Variants in DENND2A observed in about 807,000 individuals in gnomAD.
DENND2A encodes DENN domain-containing protein 2A.
In DENND2A, 53 loss-of-function variants were observed where a neutral mutation model predicts 105.3. The observed-to-expected ratio is 0.50, with a 90% confidence interval of 0.40 to 0.63. The LOEUF (loss-of-function observed/expected upper bound fraction) is 0.63. Among genes scored for constraint, DENND2A ranks in the 30% least tolerant of loss-of-function variants. The probability of loss-of-function intolerance (pLI) is 0.00; values close to 1 mark genes in which losing one functional copy is unlikely to be tolerated. For missense variants in DENND2A, 1,138 were observed against 1,279.6 expected (o/e 0.89, Z 1.69); for synonymous variants, 522 against 508.4 (o/e 1.03, Z -0.36).
At chr7:140,522,359 G>T (rs1489165942) in intron 17 of DENND2A, among the ~76,000 whole-genome samples, 1 of 152,106 alleles carries the variant, frequency 6.6e-6, no homozygotes, top group Non-Finnish European at 1.5e-5. Flanking sequence ...CATTGCCCAG[G>T]CTGGAGTGCA....
rs1795741866 is a variant in DENND2A at position 140,518,608 on chromosome 7, C to A, written c.*99G>T. ...AGCCACCGCGGCCTCCAGTTCCGCA[C>A]CGTGACAACCTGGGACCCAGCCTTT... On this transcript the variant is annotated 3_prime_UTR_variant, in exon 20 of 20. Transcript: ENST00000496613. 4.4e-6 allele frequency: 6 copies of A among 1,350,524 alleles called. No individual in the cohort carries two copies. The highest frequency in any genetic ancestry group is 1.4e-5 in the African/African-American group (1 of 69,140). 83.7% of individuals were successfully genotyped at this position (1,350,524 alleles called of 1,614,324 possible).
At chr7:140,561,498 CTTTT>C (rs536896244) in intron 9 of DENND2A, among the ~76,000 whole-genome samples, 107 of 102,494 alleles carry the variant, frequency 1.0e-3, no homozygotes, top group African/African-American at 3.6e-3. Context: ...TTTCTGTTGT[CTTTT>C]TTTTTTTTTT....
intron 3 of DENND2A, among the ~76,000 whole-genome samples, chr7:140,592,331 C>T (rs902256529): frequency 1.5e-4 from 22 of 151,310 alleles, no homozygotes; most frequent in South Asian, 4.2e-4. Context: ...CTCAGGCTCT[C>T]GAGTAGCTGG....
At chr7:140,557,531 A>ATATGT (rs1554467351) in intron 11 of DENND2A, among the ~76,000 whole-genome samples, 1 of 39,660 alleles carries the variant, frequency 2.5e-5, no homozygotes, top group Non-Finnish European at 5.1e-5. Flanking sequence ...ATATATATAT[A>ATATGT]TTTTTTTTTT....
At chr7:140,579,914 C>G (rs1798467111) in intron 5 of DENND2A, among the ~76,000 whole-genome samples, 1 of 152,074 alleles carries the variant, frequency 6.6e-6, no homozygotes, top group African/African-American at 2.4e-5. Flanking sequence ...GGTGGATCAC[C>G]TGAGGTCAGG....
intron 1 of DENND2A, among the ~76,000 whole-genome samples, chr7:140,612,069 G>A (rs942333655): frequency 2.6e-5 from 4 of 151,924 alleles, no homozygotes; most frequent in Non-Finnish European, 4.4e-5. Flanking sequence ...GTGAAACCCC[G>A]TCTCTACTAA....
chr7:140,611,611 T>C (rs933796366), intron 1 of DENND2A, among the ~76,000 whole-genome samples: 15 of 152,186 alleles, frequency 9.9e-5, no homozygotes, highest in Admixed American at 9.2e-4. Flanking sequence ...AAAAGTGGTC[T>C]ATCTGTACAA....
intron 18 of DENND2A, 143 bp downstream of exon 18, chr7:140,521,712 A>C: frequency 7.3e-7 from 1 of 1,361,566 alleles, no homozygotes; most frequent in East Asian, 2.3e-5. Flanking sequence ...CAGCTCAGTC[A>C]GGGCATAACT....
Position 140,522,167 on chromosome 7 carries a change from A to G in DENND2A, c.2666-67T>C, listed in dbSNP as rs781606448. ...AGGCTGGGCCAGAGCCCTTGAGACA[A>G]GCCAATTGGTAATCAAAGAACAGTA... is the stretch of plus-strand genomic sequence containing the variant. On this transcript the variant is annotated intron_variant, in intron 17 of 19. Coordinates refer to ENST00000496613, the MANE Select transcript of DENND2A (RefSeq NM_015689.5). The G allele has an allele frequency of 3.8e-6, 6 of 1,575,786 alleles. No homozygotes were observed. The Admixed American group carries it at 8.9e-5, about 23-fold the overall frequency.
rs558395690 is a variant in DENND2A at position 140,521,873 on chromosome 7, G to A, written c.2893C>T (p.Arg965Cys). 1.2e-5 allele frequency: 20 copies of A among 1,614,020 alleles called. No individual in the cohort carries two copies. In the Admixed American group the frequency reaches 2.3e-4, roughly 19 times the overall value. The change falls in exon 18 of 20, where the codon CGC becomes TGC. Residue 965 changes from arginine to cysteine, a missense_variant. Physicochemically the swap from Arg to Cys is radical, Grantham distance 180. Coordinates refer to ENST00000496613, the MANE Select transcript of DENND2A (RefSeq NM_015689.5). The stretch of plus-strand genomic sequence containing the variant: ...CCCTCACCTTTGGCATCCTGCCGGC[G>A]CAGCTCCCGCTCCTGGATGAAGCCC... ...FRGFIQERELRRQDAKGLFEV... is the reference protein window; with the variant it reads ...FRGFIQERELCRQDAKGLFEV...
At position 140,574,633 on chromosome 7, in the gene DENND2A, A is replaced by C. The variant is rs556319811; in HGVS notation, c.1246-625T>G. Among the ~76,000 whole-genome samples the C allele has an allele frequency of 2.0e-5, 3 of 152,346 alleles. No individual in the cohort carries two copies. The East Asian group carries it at 5.8e-4, about 29-fold the overall frequency. ...CTAGGGGTTACAAGGCCTAAGCCTC[A>C]CTTTGGCCTTGCTGCAGGATTGCTG... On this transcript the variant is annotated intron_variant, in intron 5 of 19. Coordinates refer to ENST00000496613, the MANE Select transcript of DENND2A (RefSeq NM_015689.5).
chr7:140,533,917 C>T (rs1001564254), intron 14 of DENND2A, among the ~76,000 whole-genome samples: 1 of 151,808 alleles, frequency 6.6e-6, no homozygotes, highest in Non-Finnish European at 1.5e-5. Flanking sequence ...CCCTCGTCAA[C>T]GTTTTTTCTT....
At position 140,544,660 on chromosome 7, in the gene DENND2A, A is replaced by G; in HGVS notation, c.2285T>C (p.Leu762Pro). 1 of 1,614,146 alleles carries G rather than the reference A, an allele frequency of 6.2e-7. No individual in the cohort carries two copies. The highest frequency in any genetic ancestry group is 1.3e-5 in the African/African-American group (1 of 75,052). The stretch of plus-strand genomic sequence containing the variant: ...GAAGATGACCCTCCTCTCCAGAAGC[A>G]GGGAGGCAAACACACAGACCAGGTG... Reference protein sequence around the residue: ...VRHLVCVFASLLLERRVIFIA... With the variant: ...VRHLVCVFASPLLERRVIFIA... The change falls in exon 14 of 20, where the codon CTG (leucine) becomes CCG (proline). Residue 762 changes from leucine to proline, a missense_variant. By Grantham distance (98) the Leu-to-Pro change is moderately conservative (BLOSUM62 -3). Transcript: ENST00000496613.
At chr7:140,589,213 G>C (rs1798911248) in intron 3 of DENND2A, among the ~76,000 whole-genome samples, 1 of 152,140 alleles carries the variant, frequency 6.6e-6, no homozygotes, top group Non-Finnish European at 1.5e-5. Flanking sequence ...TTTAAGTGAG[G>C]CATGTCAGGA....
Position 140,602,210 on chromosome 7 carries a change from G to T in DENND2A, c.188C>A (p.Ala63Glu). Residue 63 changes from alanine to glutamate, a missense_variant, in exon 3 of 20, where the codon GCA becomes GAA. Physicochemically the swap from Ala to Glu is moderately radical, Grantham distance 107. Around this residue, in one of 2 missense-constraint regions of DENND2A, gnomAD observed 511 missense variants for 499.9 expected, o/e 1.02. Transcript: ENST00000496613. Reference protein sequence around the residue: ...WEGKKEVPTPAPSRRADGQED... With the variant: ...WEGKKEVPTPEPSRRADGQED... Reference sequence around the variant, plus strand: ...CTGTCCGTCTGCTCTCCTGCTGGGTGCAGGAGTGGGCACCTCTTTCTTCCC... The same window carrying T: ...CTGTCCGTCTGCTCTCCTGCTGGGTTCAGGAGTGGGCACCTCTTTCTTCCC... 6.2e-7 allele frequency: 1 copy of T among 1,614,124 alleles called. No individual in the cohort carries two copies. Among genetic ancestry groups the T allele is most frequent in the Admixed American group, 1.7e-5 (1 of 60,028 alleles).
intron 1 of DENND2A, among the ~76,000 whole-genome samples, chr7:140,635,858 G>A (rs540648057): frequency 6.6e-6 from 1 of 151,966 alleles, no homozygotes; most frequent in East Asian, 1.9e-4. Flanking sequence ...GGCTGACGGA[G>A]TAAACTGTTG....
At chr7:140,633,510 T>A (rs2130741219) in intron 1 of DENND2A, among the ~76,000 whole-genome samples, 1 of 152,330 alleles carries the variant, frequency 6.6e-6, no homozygotes, top group East Asian at 1.9e-4. Context: ...GGTTACCCTA[T>A]ATTTTACCTA....
At chr7:140,623,892 A>G (rs1800400049) in intron 1 of DENND2A, among the ~76,000 whole-genome samples, 1 of 152,198 alleles carries the variant, frequency 6.6e-6, no homozygotes. Context: ...GACATGGATG[A>G]AGGAGAAATT....
At chr7:140,586,401 A>G (rs1298169290) in intron 4 of DENND2A, among the ~76,000 whole-genome samples, 1 of 150,158 alleles carries the variant, frequency 6.7e-6, no homozygotes, top group East Asian at 1.9e-4. Context: ...ACACACACAC[A>G]CACACAAATT....
Sources: allele counts gnomAD v4.1 joint callset (sites outside exome capture counted in the v4.1 genomes callset), GRCh38; gene constraint gnomAD v4.1.1; regional missense constraint gnomAD v4.1.1; transcripts MANE v1.5; gene names NCBI Gene and HGNC (gene_info 2026-07-23, HGNC 2026-07-21).